The following GRID2 variants were observed in gnomAD, a reference collection of about 807,000 sequenced individuals.
The protein encoded by GRID2 is glutamate ionotropic receptor delta type subunit 2.
A neutral mutation model predicts 114.8 loss-of-function variants in GRID2; 33 were observed. That is an observed-to-expected ratio of 0.29 (90% CI 0.22 to 0.38). The LOEUF is 0.38. Ranked by LOEUF, GRID2 falls within the 10% of genes least tolerant of loss-of-function variation. GRID2 has a pLI of 1.00. For missense variants in GRID2, 1,184 were observed against 1,257.7 expected, an observed-to-expected ratio of 0.94 and a Z score of 0.89; for synonymous variants, 505 against 449.9, an observed-to-expected ratio of 1.12 and a Z score of -1.55.
At chr4:92,564,532 T>C (rs917255437) in intron 1 of GRID2, among the ~76,000 whole-genome samples, 9 of 152,030 alleles carry the variant, frequency 5.9e-5, no homozygotes, top group African/African-American at 2.2e-4. Context: ...CCTTTTTAAA[T>C]GAAATTGAAG....
At chr4:92,822,916 CATG>C (rs1285315470) in intron 2 of GRID2, 1 of 152,016 alleles carries the variant, frequency 6.6e-6, no homozygotes, top group Admixed American at 6.6e-5. Flanking sequence ...TCTGCTCTGT[CATG>C]GTGGTGGTGA....
At chr4:92,763,256 G>C (rs181311069) in intron 2 of GRID2, among the ~76,000 whole-genome samples, 1 of 152,068 alleles carries the variant, frequency 6.6e-6, no homozygotes, top group Non-Finnish European at 1.5e-5. Flanking sequence ...TAAGTGCTGG[G>C]TATACATTGA....
chr4:92,594,633 C>A (rs75703831), intron 2 of GRID2, among the ~76,000 whole-genome samples: 3,005 of 151,954 alleles, frequency 0.02, 105 homozygotes, highest in African/African-American at 0.069. Flanking sequence ...AACTATTCAC[C>A]ACAACCCACA....
In GRID2 at chr4:92,956,315, G is replaced by A. The variant is rs571986635; in HGVS notation, c.245-128680G>A. 2.5e-3 allele frequency among the ~76,000 whole-genome samples: 373 copies of A among 152,216 alleles called. 2 individuals carry two copies. Among genetic ancestry groups the A allele is most frequent in the Non-Finnish European group, 4.1e-3 (281 of 68,018 alleles). ...CTATGGGCTTGGACACATTTTTAATGACATATATGCACAATTATGGTATTA... is the reference window on the plus strand; with the variant it reads ...CTATGGGCTTGGACACATTTTTAATAACATATATGCACAATTATGGTATTA... On this transcript the variant is annotated intron_variant, in intron 2 of 15. Transcript: ENST00000282020.
At chr4:93,625,664 T>C (rs7682587) in intron 13 of GRID2, among the ~76,000 whole-genome samples, 111,994 of 152,166 alleles carry the variant, frequency 0.74, 41,871 homozygotes, top group African/African-American at 0.87. Context: ...GCCTGTAATC[T>C]CAGCACTTTG....
At position 93,772,063 on chromosome 4, in the gene GRID2, T is replaced by G; in HGVS notation, c.2602-13T>G. Reference sequence around the variant, plus strand: ...ACTGATGAGAACCTTATTTTCTTTTTCTTCATCTCCAGGATGACAAGGAAA... The same window carrying G: ...ACTGATGAGAACCTTATTTTCTTTTGCTTCATCTCCAGGATGACAAGGAAA... On this transcript the variant is annotated splice_polypyrimidine_tract_variant and intron_variant, in intron 15 of 15. Coordinates refer to ENST00000282020, the MANE Select transcript of GRID2 (RefSeq NM_001510.4). 6.4e-7 allele frequency: 1 copy of G among 1,564,684 alleles called. No individual in the cohort carries two copies. The highest frequency in any genetic ancestry group is 8.8e-7 in the Non-Finnish European group (1 of 1,138,212).
At chr4:92,410,135 C>T (rs923670649) in intron 1 of GRID2, among the ~76,000 whole-genome samples, 7 of 152,082 alleles carry the variant, frequency 4.6e-5, no homozygotes, top group African/African-American at 1.7e-4. Context: ...TTTTGGGTTT[C>T]GGAGGACACC....
chr4:93,559,885 A>G (rs1734718959), intron 13 of GRID2, among the ~76,000 whole-genome samples: 1 of 152,178 alleles, frequency 6.6e-6, no homozygotes, highest in South Asian at 2.1e-4. Context: ...TGCACCATGG[A>G]ATACAATGCA....
intron 2 of GRID2, among the ~76,000 whole-genome samples, chr4:93,030,311 A>G (rs1338431809): frequency 1.3e-5 from 2 of 151,432 alleles, no homozygotes; most frequent in African/African-American, 2.4e-5. Context: ...TCTACCTACC[A>G]AATTTTAAAC....
chr4:93,793,242 A>T (rs768418975), intron 1 of GRID2, among the ~76,000 whole-genome samples: 3 of 152,210 alleles, frequency 2.0e-5, no homozygotes, highest in Non-Finnish European at 4.4e-5. Flanking sequence ...GGATCCACAT[A>T]CAAAAGCTGT....
Position 93,596,997 on chromosome 4 carries a change from C to T in GRID2, c.2194-29272C>T, listed in dbSNP as rs998450807. ...GTATGATTTGATAAGAAATATATTG[C>T]TCATGGGCATGAAGAAAATTGTAAA... On this transcript the variant is annotated intron_variant, in intron 13 of 15. Coordinates refer to ENST00000282020, the MANE Select transcript of GRID2 (RefSeq NM_001510.4). Among the ~76,000 whole-genome samples the T allele has an allele frequency of 4.6e-5, 7 of 152,128 alleles. 1 individual carries two copies. Among genetic ancestry groups the T allele is most frequent in the Admixed American group, 2.0e-4 (3 of 15,270 alleles).
At chr4:93,409,688 C>T (rs1209506734) in intron 9 of GRID2, among the ~76,000 whole-genome samples, 1 of 152,138 alleles carries the variant, frequency 6.6e-6, no homozygotes, top group African/African-American at 2.4e-5. Context: ...TTTCTGCAAC[C>T]TGCAGTATAC....
intron 2 of GRID2, among the ~76,000 whole-genome samples, chr4:92,913,763 T>C (rs1458341166): frequency 1.3e-5 from 2 of 151,742 alleles, no homozygotes; most frequent in African/African-American, 4.8e-5. Context: ...AAAAGAAGTA[T>C]AAAACGAAGA....
chr4:93,108,216 A>G (rs1732433571), intron 3 of GRID2, among the ~76,000 whole-genome samples: 1 of 152,130 alleles, frequency 6.6e-6, no homozygotes, highest in South Asian at 2.1e-4. Flanking sequence ...ATTATCATCT[A>G]CCAATGCATT....
intron 2 of GRID2, among the ~76,000 whole-genome samples, chr4:92,607,728 A>G (rs1279707501): frequency 6.6e-6 from 1 of 151,902 alleles, no homozygotes; most frequent in East Asian, 1.9e-4. Context: ...GATCAGTATA[A>G]TAAGGTTCTC....
At chr4:93,788,354 G>T (rs891024645) in intron 1 of GRID2, among the ~76,000 whole-genome samples, 1 of 151,848 alleles carries the variant, frequency 6.6e-6, no homozygotes, top group Admixed American at 6.6e-5. Flanking sequence ...CCTAGGTTTT[G>T]GCAAAACATT....
chr4:93,376,690 G>C (rs1040314736), intron 8 of GRID2, among the ~76,000 whole-genome samples: 3 of 152,146 alleles, frequency 2.0e-5, no homozygotes, highest in African/African-American at 7.2e-5. Flanking sequence ...GAAGCTGGAA[G>C]CCATTATCCT....
At chr4:92,803,291 G>T (rs1740260404) in intron 2 of GRID2, among the ~76,000 whole-genome samples, 1 of 151,846 alleles carries the variant, frequency 6.6e-6, no homozygotes, top group Admixed American at 6.6e-5. Flanking sequence ...CAAAAGTAAG[G>T]TGTAATTCAG....
intron 14 of GRID2, among the ~76,000 whole-genome samples, chr4:93,765,608 T>TAATATATA (rs369052724): frequency 1.0e-4 from 3 of 29,502 alleles, no homozygotes; most frequent in African/African-American, 3.6e-4. Flanking sequence ...AGGTGAGGTA[T>TAATATATA]TATATATATA....
Sources: gnomAD v4.1 joint callset for allele counts (sites outside exome capture counted in the v4.1 genomes callset) on GRCh38, gnomAD v4.1.1 for gene constraint, MANE v1.5 for transcripts, NCBI Gene and HGNC (gene_info 2026-07-23, HGNC 2026-07-21) for gene names.